The following CAPN8 variants were observed in gnomAD, a reference collection of about 807,000 sequenced individuals.
The protein encoded by CAPN8 is calpain 8.
Under a neutral mutation model 80.9 loss-of-function variants are expected in CAPN8, and 87 were observed. That is an observed-to-expected ratio of 1.07 (90% CI 0.90 to 1.28). CAPN8 has a LOEUF of 1.28. CAPN8 is among the 50% of genes most tolerant of loss of function. The pLI, the probability that CAPN8 is intolerant of heterozygous loss-of-function variation, is 0.00. For missense variants in CAPN8, 757 were observed against 702.0 expected (o/e 1.08, Z -0.89); for synonymous variants, 299 against 273.8 (o/e 1.09, Z -0.91).
intron 1 of CAPN8, among the ~76,000 whole-genome samples, chr1:223,660,904 C>A (rs996707209): frequency 2.0e-5 from 3 of 152,208 alleles, no homozygotes; most frequent in African/African-American, 7.2e-5. Flanking sequence ...CAATAGCTCA[C>A]ACCTGTAATC....
At chr1:223,630,847 G>T (rs1275335051) in intron 2 of CAPN8, among the ~76,000 whole-genome samples, 1 of 152,102 alleles carries the variant, frequency 6.6e-6, no homozygotes, top group Non-Finnish European at 1.5e-5. Flanking sequence ...CTCAAGCAGG[G>T]CAGTCTCTCA....
chr1:223,623,729 C>T (rs1572238772), intron 6 of CAPN8, among the ~76,000 whole-genome samples: 1 of 152,198 alleles, frequency 6.6e-6, no homozygotes, highest in Admixed American at 6.5e-5. Flanking sequence ...GGCGCAGTGG[C>T]TCACGCCTGT....
intron 1 of CAPN8, among the ~76,000 whole-genome samples, chr1:223,659,431 G>A (rs1658584693): frequency 6.6e-6 from 1 of 152,132 alleles, no homozygotes; most frequent in Admixed American, 6.5e-5. Context: ...CCCACAGTGA[G>A]TGATTATCAC....
chr1:223,623,815 G>A (rs189202798), intron 6 of CAPN8, among the ~76,000 whole-genome samples: 1 of 152,228 alleles, frequency 6.6e-6, no homozygotes, highest in East Asian at 1.9e-4. Context: ...CCAACATGGT[G>A]AAACCCCATC....
At chr1:223,643,554 A>C (rs1658102900) in intron 2 of CAPN8, among the ~76,000 whole-genome samples, 1 of 152,268 alleles carries the variant, frequency 6.6e-6, no homozygotes, top group Admixed American at 6.5e-5. Flanking sequence ...AAAATATGTG[A>C]AAAGAGATAG....
chr1:223,556,222 C>T (rs1486909077), intron 13 of CAPN8, among the ~76,000 whole-genome samples: 2 of 152,152 alleles, frequency 1.3e-5, no homozygotes, highest in Non-Finnish European at 2.9e-5. Flanking sequence ...GGGAATAAAA[C>T]AGAAGTTCCT....
chr1:223,657,330 A>G (rs1658522724), intron 1 of CAPN8, among the ~76,000 whole-genome samples: 1 of 152,182 alleles, frequency 6.6e-6, no homozygotes, highest in Non-Finnish European at 1.5e-5. Flanking sequence ...TGATAGAGTA[A>G]TAAGTAAAAA....
chr1:223,622,864 G>A lies in CAPN8; in HGVS notation c.850C>T (p.Leu284Phe). 1 of 1,551,740 alleles carries A rather than the reference G, an allele frequency of 6.4e-7. No individual in the cohort carries two copies. The highest frequency in any genetic ancestry group is 1.2e-5 in the South Asian group (1 of 84,060). ...TCCACTTCACCCCATGGATTCCTGA[G>A]TCTGATCAGCTTCTCTGGATGGCCC... The part of the protein sequence containing the change: ...FQGHPEKLIR[L>F]RNPWGEVEWS... Residue 284 changes from leucine (L) to phenylalanine (F), a missense_variant, in exon 7 of 21, where the codon CTC (leucine) becomes TTC (phenylalanine). Coordinates refer to ENST00000366872, the MANE Select transcript of CAPN8 (RefSeq NM_001143962.2).
chr1:223,618,383 T>A (rs1480872097), intron 9 of CAPN8: 1 of 1,453,172 alleles, frequency 6.9e-7, no homozygotes, highest in Non-Finnish European at 9.4e-7. Flanking sequence ...CTTTGCACCA[T>A]ACTATCTCCA....
intron 2 of CAPN8, among the ~76,000 whole-genome samples, chr1:223,649,505 A>T (rs1323600539): frequency 6.6e-6 from 1 of 152,120 alleles, no homozygotes; most frequent in Non-Finnish European, 1.5e-5. Context: ...ATCAGTCAGC[A>T]CCTCCAACCC....
chr1:223,620,748 A>G (rs1475313227), intron 7 of CAPN8, among the ~76,000 whole-genome samples: 5 of 152,114 alleles, frequency 3.3e-5, no homozygotes, highest in Non-Finnish European at 5.9e-5. Flanking sequence ...GACATGGTTC[A>G]CTTCCTTACA....
chr1:223,628,619 A>T (rs1052660612), intron 3 of CAPN8, 43 bp downstream of exon 3: 13 of 1,453,854 alleles, frequency 8.9e-6, no homozygotes, highest in South Asian at 2.5e-5. Flanking sequence ...GAGCCCTAAG[A>T]ATACGGAAAA....
intron 2 of CAPN8, among the ~76,000 whole-genome samples, chr1:223,639,904 G>C (rs1398194592): frequency 6.6e-6 from 1 of 152,218 alleles, no homozygotes; most frequent in Non-Finnish European, 1.5e-5. Flanking sequence ...CTAGCAAGAT[G>C]ATGAGTTTTC....
chr1:223,629,226 GTGTGTT>G (rs1254298080), intron 2 of CAPN8, among the ~76,000 whole-genome samples: 169 of 150,754 alleles, frequency 1.1e-3, no homozygotes, highest in African/African-American at 3.8e-3. Flanking sequence ...GTGTGTGTGT[GTGTGTT>G]TATGTTCCTT....
chr1:223,547,370 A>G (rs1298524170), intron 16 of CAPN8, among the ~76,000 whole-genome samples: 1 of 152,232 alleles, frequency 6.6e-6, no homozygotes, highest in Non-Finnish European at 1.5e-5. Flanking sequence ...AGGACCACAT[A>G]TTGTATAATT....
intron 16 of CAPN8, among the ~76,000 whole-genome samples, chr1:223,546,885 G>GGTGGTGGTT (rs973883560): frequency 3.3e-5 from 5 of 149,908 alleles, no homozygotes; most frequent in Admixed American, 6.6e-5. Context: ...TTTGTTTTGT[G>GGTGGTGGTT]GTTGTTGTTG....
intron 2 of CAPN8, among the ~76,000 whole-genome samples, chr1:223,644,723 G>T (rs111741498): frequency 6.6e-6 from 1 of 152,152 alleles, no homozygotes; most frequent in African/African-American, 2.4e-5. Flanking sequence ...CATCCAGCTC[G>T]AGCTAGGTGA....
At chr1:223,551,160 T>G in intron 14 of CAPN8, 143 bp from the exon 15 acceptor site, 1 of 594,834 alleles carries the variant, frequency 1.7e-6, no homozygotes, top group Non-Finnish European at 3.0e-6. Context: ...TTTGTTTTTT[T>G]TTGAGACAGT....
At chr1:223,646,028 A>G (rs1658181601) in intron 2 of CAPN8, among the ~76,000 whole-genome samples, 1 of 152,174 alleles carries the variant, frequency 6.6e-6, no homozygotes, top group Non-Finnish European at 1.5e-5. Flanking sequence ...CTGTGGGGAA[A>G]ATAGACTGCA....
Sources: allele counts gnomAD v4.1 joint callset (sites outside exome capture counted in the v4.1 genomes callset), GRCh38; gene constraint gnomAD v4.1.1; transcripts MANE v1.5; gene names NCBI Gene and HGNC (gene_info 2026-07-23, HGNC 2026-07-21).